IL17RD: variants seen among roughly 807,000 people sequenced by gnomAD.
The protein encoded by IL17RD is interleukin 17 receptor D.
In IL17RD, 52 loss-of-function variants were observed where a neutral mutation model predicts 80.5. The ratio of observed to expected loss-of-function variants is 0.65; its 90% CI spans 0.52 to 0.81. The LOEUF (loss-of-function observed/expected upper bound fraction) is 0.81, where lower values mean the gene tolerates loss of function less well. IL17RD is among the 40% of genes least tolerant of loss of function. The pLI, the probability that IL17RD is intolerant of heterozygous loss-of-function variation, is 0.00. For missense variants in IL17RD, 1,024 were observed against 955.1 expected (o/e 1.07, Z -0.95); for synonymous variants, 416 against 391.8 (o/e 1.06, Z -0.73).
intron 1 of IL17RD, among the ~76,000 whole-genome samples, chr3:57,129,543 A>T (rs1364817036): frequency 6.6e-6 from 1 of 152,192 alleles, no homozygotes; most frequent in Non-Finnish European, 1.5e-5. Flanking sequence ...CACATCTGGA[A>T]TTCTGCTTTT....
At position 57,110,183 on chromosome 3, in the gene IL17RD, T is replaced by C. The variant is rs1451492891; in HGVS notation, c.429+10A>G. The C allele has an allele frequency of 1.9e-6, 3 of 1,580,344 alleles. No individual in the cohort carries two copies. The highest frequency in any genetic ancestry group is 1.8e-5 in the Admixed American group (1 of 55,030). On this transcript the variant is annotated intron_variant, in intron 4 of 12. Coordinates refer to ENST00000296318, the MANE Select transcript of IL17RD (RefSeq NM_017563.5). ...ATGTCTTCAGGAGCACGTTCCCCAGTGTGACTTACAGTTCTTTTGAAGCTA... is the reference window on the plus strand; with the variant it reads ...ATGTCTTCAGGAGCACGTTCCCCAGCGTGACTTACAGTTCTTTTGAAGCTA...
At chr3:57,135,871 G>A (rs1268732636) in intron 1 of IL17RD, among the ~76,000 whole-genome samples, 1 of 143,774 alleles carries the variant, frequency 7.0e-6, no homozygotes, top group African/African-American at 2.8e-5. Context: ...TGTGTACATG[G>A]AAAAGGCAAG....
At chr3:57,110,897 C>T (rs1485026363) in intron 3 of IL17RD, among the ~76,000 whole-genome samples, 5 of 152,254 alleles carry the variant, frequency 3.3e-5, no homozygotes, top group Non-Finnish European at 5.9e-5. Flanking sequence ...AAGGCAGACA[C>T]CCAAGGGTTG....
At chr3:57,126,097 C>A (rs1016101618) in intron 1 of IL17RD, among the ~76,000 whole-genome samples, 3 of 152,156 alleles carry the variant, frequency 2.0e-5, no homozygotes, top group African/African-American at 7.2e-5. Context: ...AGCTACTATA[C>A]CATTTTTGAT....
intron 1 of IL17RD, among the ~76,000 whole-genome samples, chr3:57,143,528 T>C (rs1441730921): frequency 4.6e-5 from 7 of 152,210 alleles, no homozygotes; most frequent in African/African-American, 1.7e-4. Context: ...AGTACCCCTA[T>C]CAGAAGTAGG....
chr3:57,157,190 T>C (rs1393262539), intron 1 of IL17RD, among the ~76,000 whole-genome samples: 1 of 152,008 alleles, frequency 6.6e-6, no homozygotes, highest in Non-Finnish European at 1.5e-5. Flanking sequence ...AAGCCAGAGT[T>C]CTAAGGTGGC....
intron 3 of IL17RD, among the ~76,000 whole-genome samples, chr3:57,113,333 G>T (rs1391447663): frequency 6.6e-6 from 1 of 152,142 alleles, no homozygotes; most frequent in Non-Finnish European, 1.5e-5. Context: ...TGCCTTGTGG[G>T]TTCAAGTGAT....
In IL17RD at chr3:57,096,439, C is replaced by T; in HGVS notation, c.2174G>A (p.Gly725Asp). The T allele has an allele frequency of 5.0e-6, 8 of 1,613,904 alleles. No homozygotes were observed. Among genetic ancestry groups the T allele is most frequent in the Non-Finnish European group, 6.8e-6 (8 of 1,179,864 alleles). The change falls in exon 13 of 13, where the codon GGT becomes GAT. Residue 725 changes from glycine (G) to aspartate (D), a missense_variant. Gly to Asp is a moderately conservative substitution (Grantham distance 94). Transcript: ENST00000296318. ...GAGTTCATCAGTGTAGCTGCGGCAA[C>T]CAAGATCTGCTTTGCATGACCCAGA... ...LSSGSCKADL[G>D]CRSYTDELHA...
chr3:57,136,389 T>C (rs1373893330), intron 1 of IL17RD, among the ~76,000 whole-genome samples: 1 of 152,112 alleles, frequency 6.6e-6, no homozygotes, highest in Non-Finnish European at 1.5e-5. Flanking sequence ...TCCCAGCATT[T>C]TGGGAGGCCA....
At position 57,098,344 on chromosome 3, in the gene IL17RD, C is replaced by T. The variant is rs2107463893; in HGVS notation, c.1359G>A (p.Ala453=). ...GGAGCTTTTCGGCAATGGCTGACAC[C>T]GCCACCAGGAAGAGCTCTCCTTTCC... ...GSGKGELFLV[A]VSAIAEKLRQ... is the part of the protein sequence containing the mutation. Residue 453 remains alanine (A), a synonymous_variant, in exon 12 of 13, where the codon GCG becomes GCA. Coordinates refer to ENST00000296318, the MANE Select transcript of IL17RD (RefSeq NM_017563.5). 1.2e-6 allele frequency: 2 copies of T among 1,614,010 alleles called. No individual in the cohort carries two copies. The highest frequency in any genetic ancestry group is 1.1e-5 in the South Asian group (1 of 91,080).
At chr3:57,165,688 CCTG>C (rs2060345010), upstream of IL17RD, among the ~76,000 whole-genome samples, 3 of 152,214 alleles carry the variant, frequency 2.0e-5, no homozygotes, top group South Asian at 4.1e-4. Flanking sequence ...TTAATAAACA[CCTG>C]CTATGTGCCA....
Position 57,109,612 on chromosome 3 carries a change from A to G in IL17RD, c.475T>C (p.Tyr159His). The G allele has an allele frequency of 6.2e-7, 1 of 1,613,352 alleles. No homozygotes were observed. Reference sequence around the variant, plus strand: ...GGAAAAGGGACAACCTTTACGAAATAATCCGTTTCAAATTTCATATTCAGG... The same window carrying G: ...GGAAAAGGGACAACCTTTACGAAATGATCCGTTTCAAATTTCATATTCAGG... ...PFLNMKFETD[Y>H]FVKVVPFPSI... Residue 159 changes from tyrosine to histidine, a missense_variant, in exon 5 of 13, where the codon TAT becomes CAT. Transcript: ENST00000296318.
At chr3:57,123,564 TGAGGG>T (rs1707385434) in intron 1 of IL17RD, among the ~76,000 whole-genome samples, 1 of 152,224 alleles carries the variant, frequency 6.6e-6, no homozygotes, top group African/African-American at 2.4e-5. Context: ...GCTACTCACT[TGAGGG>T]GAACATGGTA....
At chr3:57,117,172 G>A (rs1422624013) in intron 2 of IL17RD, among the ~76,000 whole-genome samples, 1 of 146,324 alleles carries the variant, frequency 6.8e-6, no homozygotes, top group Non-Finnish European at 1.5e-5. Context: ...GGAGTGCAGT[G>A]GCATAATCTC....
chr3:57,110,073 C>G, intron 4 of IL17RD, 120 bp downstream of exon 4: 1 of 1,162,856 alleles, frequency 8.6e-7, no homozygotes, highest in Non-Finnish European at 1.2e-6. Context: ...TTCTTGCCCA[C>G]CTTGGCGGGT....
At chr3:57,108,997 C>G (rs572716135) in intron 5 of IL17RD, among the ~76,000 whole-genome samples, 22 of 152,252 alleles carry the variant, frequency 1.4e-4, no homozygotes, top group African/African-American at 5.1e-4. Context: ...TATCAACTGT[C>G]AGGTCTGTTC....
At chr3:57,127,342 AT>A (rs1707505742) in intron 1 of IL17RD, among the ~76,000 whole-genome samples, 1 of 105,788 alleles carries the variant, frequency 9.5e-6, no homozygotes, top group Non-Finnish European at 1.7e-5. Context: ...ATATAAAAAT[AT>A]ATATAAATAT....
intron 1 of IL17RD, among the ~76,000 whole-genome samples, chr3:57,155,141 C>T (rs1298140161): frequency 1.3e-5 from 2 of 152,176 alleles, no homozygotes; most frequent in African/African-American, 4.8e-5. Context: ...AAATGAAATG[C>T]ATTCACCACC....
chr3:57,166,557 A>C (rs1323511607), upstream of IL17RD, among the ~76,000 whole-genome samples: 15 of 146,092 alleles, frequency 1.0e-4, no homozygotes, highest in Admixed American at 8.0e-4. Context: ...CACCACCAAC[A>C]AAAAAAAACA....
Sources: allele counts gnomAD v4.1 joint callset (sites outside exome capture counted in the v4.1 genomes callset), GRCh38; gene constraint gnomAD v4.1.1; transcripts MANE v1.5; gene names NCBI Gene and HGNC (gene_info 2026-07-23, HGNC 2026-07-21).